Variants in PLEKHG4B observed in about 807,000 individuals in gnomAD.
The protein encoded by PLEKHG4B is pleckstrin homology and RhoGEF domain containing G4B, also known as pleckstrin homology domain-containing family G member 4B.
Under a neutral mutation model 121.3 loss-of-function variants are expected in PLEKHG4B, and 111 were observed. That is an observed-to-expected ratio of 0.92 (90% CI 0.78 to 1.07). PLEKHG4B has a LOEUF of 1.07. PLEKHG4B is among the 50% of genes least tolerant of loss of function. The pLI, the probability that PLEKHG4B is intolerant of heterozygous loss-of-function variation, is 0.00. For synonymous variants in PLEKHG4B, 738 were observed against 725.0 expected, an observed-to-expected ratio of 1.02 and a Z score of -0.29; for missense variants, 1,831 against 1,757.8, an observed-to-expected ratio of 1.04 and a Z score of -0.74.
intron 13 of PLEKHG4B, among the ~76,000 whole-genome samples, chr5:164,919 A>G (rs548482060): frequency 0.039 from 1,393 of 35,582 alleles, 62 homozygotes; most frequent in Non-Finnish European, 0.063. Flanking sequence ...GACGGGGCGG[A>G]GCTCACACTA....
intron 2 of PLEKHG4B, among the ~76,000 whole-genome samples, chr5:116,633 T>C (rs1021168682): frequency 6.6e-5 from 10 of 152,178 alleles, no homozygotes; most frequent in African/African-American, 2.4e-4. Flanking sequence ...GGGTTGTGGG[T>C]GTGTTGCAGC....
chr5:155,230 T>C, intron 8 of PLEKHG4B, 115 bp from the exon 9 acceptor site: 1 of 1,006,798 alleles, frequency 9.9e-7, no homozygotes, highest in South Asian at 1.4e-5. Flanking sequence ...TCTTCACATA[T>C]GGAAGCTTCC....
At chr5:158,302 T>A (rs556010315) in intron 11 of PLEKHG4B, among the ~76,000 whole-genome samples, 423 of 122,268 alleles carry the variant, frequency 3.5e-3, no homozygotes, top group Non-Finnish European at 6.0e-3. Context: ...CCTGGGGGTC[T>A]CCTCCATCTC....
intron 2 of PLEKHG4B, among the ~76,000 whole-genome samples, chr5:118,376 G>A (rs1357057825): frequency 6.6e-6 from 1 of 152,164 alleles, no homozygotes; most frequent in East Asian, 1.9e-4. Flanking sequence ...CCATTATGGG[G>A]CATACGTAGA....
intron 13 of PLEKHG4B, among the ~76,000 whole-genome samples, chr5:166,872 C>T (rs372867560): frequency 1.3e-5 from 2 of 152,190 alleles, no homozygotes; most frequent in Non-Finnish European, 2.9e-5. Context: ...ACATTAAGTT[C>T]TGGTTTTTAC....
At chr5:170,280 G>T (rs115711196) in intron 14 of PLEKHG4B, among the ~76,000 whole-genome samples, 1 of 152,082 alleles carries the variant, frequency 6.6e-6, no homozygotes. Flanking sequence ...CAAAAGAAGC[G>T]CATGTTACAT....
chr5:109,520 T>G (rs1734076345), intron 1 of PLEKHG4B, among the ~76,000 whole-genome samples: 1 of 151,494 alleles, frequency 6.6e-6, no homozygotes, highest in Non-Finnish European at 1.5e-5. Context: ...GGTATCACCA[T>G]GTGTTGGTGC....
At chr5:108,377 C>T (rs1259150898) in intron 1 of PLEKHG4B, among the ~76,000 whole-genome samples, 5 of 152,202 alleles carry the variant, frequency 3.3e-5, no homozygotes, top group Non-Finnish European at 5.9e-5. Flanking sequence ...GAACTTTTAG[C>T]CTTAGAAGCG....
At chr5:99,184 A>G (rs1488172636) in intron 1 of PLEKHG4B, among the ~76,000 whole-genome samples, 28 of 96,372 alleles carry the variant, frequency 2.9e-4, no homozygotes, top group African/African-American at 5.3e-4. Flanking sequence ...ATATATATAT[A>G]TATATATATA....
intron 16 of PLEKHG4B, among the ~76,000 whole-genome samples, chr5:172,203 C>T (rs554901737): frequency 6.2e-4 from 95 of 152,358 alleles, no homozygotes; most frequent in African/African-American, 2.1e-3. Flanking sequence ...TTCCTGGTCA[C>T]TTGTGTGGAG....
chr5:176,507 G>GC (rs1736766286), intron 18 of PLEKHG4B, among the ~76,000 whole-genome samples: 1 of 152,360 alleles, frequency 6.6e-6, no homozygotes, highest in East Asian at 1.9e-4. Context: ...GTCCGTGCTC[G>GC]CAAGTGGGGA....
chr5:134,464 T>C (rs1393763392), intron 2 of PLEKHG4B, among the ~76,000 whole-genome samples: 3 of 151,638 alleles, frequency 2.0e-5, no homozygotes, highest in East Asian at 1.9e-4. Flanking sequence ...GAAACACCTA[T>C]TGAAATTAAA....
In PLEKHG4B at chr5:174,027, C is replaced by T. The variant is rs781070728; in HGVS notation, c.4331C>T (p.Ser1444Leu). ...SQDTYILQAS[S>L]AEVKSAWTDV... The stretch of plus-strand genomic sequence containing the variant: ...GACACCTACATTCTCCAAGCAAGCT[C>T]GGCAGAGGTCAAGAGTGCATGGACC... The change falls in exon 18 of 20, where the codon TCG becomes TTG. Residue 1444 changes from serine to leucine, a missense_variant. Coordinates refer to ENST00000637938, the MANE Select transcript of PLEKHG4B (RefSeq NM_052909.5). 28 of 1,606,320 alleles carry T rather than the reference C, an allele frequency of 1.7e-5. No homozygotes were observed. In the African/African-American group the frequency reaches 1.9e-4, roughly 11 times the overall value.
In PLEKHG4B at chr5:113,096, C is replaced by G. The variant is rs1354801246; in HGVS notation, c.46-155C>G. On this transcript the variant is annotated intron_variant, in intron 1 of 19. Transcript: ENST00000637938. The surrounding 1 kb of genome is among the most constrained non-coding windows in gnomAD (Gnocchi z 5.2). ...AGGAGCTCGCCCTGCACCATGGATT[C>G]GCCTGCACATTTTGTCTTTCTCAGT... Among the ~76,000 whole-genome samples, 1 of 152,160 alleles carries G rather than the reference C, an allele frequency of 6.6e-6. No individual in the cohort carries two copies. Among genetic ancestry groups the G allele is most frequent in the Non-Finnish European group, 1.5e-5 (1 of 68,038 alleles).
At chr5:112,399 T>C (rs1287580259) in intron 1 of PLEKHG4B, among the ~76,000 whole-genome samples, 1 of 152,278 alleles carries the variant, frequency 6.6e-6, no homozygotes, top group Non-Finnish European at 1.5e-5. Flanking sequence ...GTTTCTCATG[T>C]AACTGTCGTG....
At chr5:165,064 TCA>T (rs1489417339) in intron 13 of PLEKHG4B, among the ~76,000 whole-genome samples, 2 of 104,254 alleles carry the variant, frequency 1.9e-5, no homozygotes, top group Non-Finnish European at 2.0e-5. Flanking sequence ...GGGGCGGAGC[TCA>T]CACTAATGCT....
chr5:120,565 C>T (rs532029265), intron 2 of PLEKHG4B, among the ~76,000 whole-genome samples: 2 of 152,164 alleles, frequency 1.3e-5, no homozygotes, highest in Admixed American at 1.3e-4. Flanking sequence ...TCATTGCACT[C>T]CTGTAGCTTT....
chr5:152,641 T>A (rs367678986), intron 7 of PLEKHG4B, among the ~76,000 whole-genome samples: 4 of 152,346 alleles, frequency 2.6e-5, no homozygotes, highest in South Asian at 2.1e-4. Context: ...AGTCTTCATA[T>A]CAGGTTGTTC....
rs763781820 is a variant in PLEKHG4B at position 143,453 on chromosome 5, G to A, written c.1761G>A (p.Ser587=). Residue 587 remains serine, a synonymous_variant, in exon 5 of 20, where the codon TCG becomes TCA. Coordinates refer to ENST00000637938, the MANE Select transcript of PLEKHG4B (RefSeq NM_052909.5). ...GCCTGCTCTGGACCAGGGAACACTC[G>A]TCCTGTGCTGAGCTGACCCGCCTGC... ...TRSLLWTREH[S]SCAELTRLLL... 42 of 1,612,752 alleles carry A rather than the reference G, an allele frequency of 2.6e-5. No homozygotes were observed. Among genetic ancestry groups the A allele is most frequent in the Non-Finnish European group, 3.1e-5 (37 of 1,180,004 alleles).
Sources: gnomAD v4.1 joint callset for allele counts (sites outside exome capture counted in the v4.1 genomes callset) on GRCh38, gnomAD v4.1.1 for gene constraint, Gnocchi (gnomAD v3.1) non-coding constraint, MANE v1.5 for transcripts, NCBI Gene and HGNC (gene_info 2026-07-23, HGNC 2026-07-21) for gene names.